PPP1R9A: variants seen among roughly 807,000 people sequenced by gnomAD.
The protein encoded by PPP1R9A is protein phosphatase 1 regulatory subunit 9A.
PPP1R9A carries 59 observed loss-of-function variants against 141.9 expected under a neutral mutation model. The ratio of observed to expected loss-of-function variants is 0.42; its 90% CI spans 0.34 to 0.52. The LOEUF (loss-of-function observed/expected upper bound fraction) is 0.52. Ranked by LOEUF, PPP1R9A falls within the 20% of genes least tolerant of loss-of-function variation. The probability of loss-of-function intolerance (pLI) is 0.10; values close to 1 mark genes in which losing one functional copy is unlikely to be tolerated. For synonymous variants in PPP1R9A, 500 were observed against 569.7 expected, an observed-to-expected ratio of 0.88 and a Z score of 1.74; for missense variants, 1,444 against 1,611.9, an observed-to-expected ratio of 0.90 and a Z score of 1.78.
intron 2 of PPP1R9A, among the ~76,000 whole-genome samples, chr7:94,968,934 G>A (rs1412944205): frequency 6.6e-6 from 1 of 151,594 alleles, no homozygotes; most frequent in East Asian, 1.9e-4. Flanking sequence ...GATCGATTCG[G>A]CTATTGATAC....
intron 2 of PPP1R9A, among the ~76,000 whole-genome samples, chr7:95,012,346 A>G (rs1282421648): frequency 6.6e-6 from 1 of 151,920 alleles, no homozygotes; most frequent in Non-Finnish European, 1.5e-5. Context: ...ACAACCACAT[A>G]CCCTGAGAAC....
intron 2 of PPP1R9A, among the ~76,000 whole-genome samples, chr7:95,106,026 G>A (rs1322967104): frequency 6.6e-6 from 1 of 152,116 alleles, no homozygotes; most frequent in African/African-American, 2.4e-5. Context: ...AGACCAAGGT[G>A]GAAGGATCGT....
chr7:94,987,720 G>A (rs924780412), intron 2 of PPP1R9A, among the ~76,000 whole-genome samples: 1 of 152,070 alleles, frequency 6.6e-6, no homozygotes, highest in Non-Finnish European at 1.5e-5. Flanking sequence ...ACACTATTAT[G>A]TATGAGCCAT....
chr7:94,928,426 A>G (rs1793746272), intron 2 of PPP1R9A, among the ~76,000 whole-genome samples: 1 of 152,146 alleles, frequency 6.6e-6, no homozygotes, highest in South Asian at 2.1e-4. Context: ...AAGGGTGGAG[A>G]AGATCCATTG....
At chr7:94,916,420 A>G (rs997494355) in intron 2 of PPP1R9A, among the ~76,000 whole-genome samples, 7 of 152,194 alleles carry the variant, frequency 4.6e-5, no homozygotes, top group Non-Finnish European at 8.8e-5. Context: ...GGCTTCTGAA[A>G]GTGGCTGGCC....
At chr7:95,275,229 G>A (rs558505406) in intron 16 of PPP1R9A, among the ~76,000 whole-genome samples, 4 of 152,014 alleles carry the variant, frequency 2.6e-5, no homozygotes, top group East Asian at 1.9e-4. Flanking sequence ...CCAACATGGC[G>A]AAACCCCGTC....
intron 12 of PPP1R9A, among the ~76,000 whole-genome samples, chr7:95,253,617 T>G (rs1799184972): frequency 6.6e-6 from 1 of 152,174 alleles, no homozygotes; most frequent in African/African-American, 2.4e-5. Context: ...TTCTCTGGGT[T>G]GATATTACTG....
chr7:95,158,549 A>G (rs1438466908), intron 4 of PPP1R9A, among the ~76,000 whole-genome samples: 1 of 152,192 alleles, frequency 6.6e-6, no homozygotes, highest in African/African-American at 2.4e-5. Context: ...GCAGAAAAGT[A>G]CTTCTTAAAC....
Position 95,198,500 on chromosome 7 carries a change from A to G in PPP1R9A, c.1890+16A>G. ...CGATGACGAGGTCAGTAGTGCTTGC[A>G]AAGATTCTTTTTCCCACATTTTCTA... is the stretch of plus-strand genomic sequence containing the variant. On this transcript the variant is annotated intron_variant, in intron 6 of 19. Transcript: ENST00000433360. The G allele has an allele frequency of 6.5e-7, 1 of 1,527,364 alleles. No homozygotes were observed. Among genetic ancestry groups the G allele is most frequent in the Non-Finnish European group, 8.8e-7 (1 of 1,136,686 alleles). The allele number at this position is 1,527,364 out of a possible 1,614,324, so 94.6% of individuals were successfully genotyped here. A position where few individuals can be genotyped will look rare whatever the true frequency, so the allele number is the denominator to read the frequency against.
chr7:94,910,581 C>A lies in PPP1R9A; in HGVS notation c.468C>A (p.Asn156Lys), dbSNP rs899656150. The change falls in exon 2 of 20, where the codon AAC (asparagine) becomes AAA (lysine). Residue 156 changes from asparagine to lysine, a missense_variant. Physicochemically the swap from Asn to Lys is moderately conservative, Grantham distance 94. Around this residue, in one of 5 missense-constraint regions of PPP1R9A, gnomAD observed 490 missense variants for 521.1 expected, o/e 0.94. Transcript: ENST00000433360. The surrounding 1 kb of genome is among the most constrained non-coding windows in gnomAD (Gnocchi z 4.5). The stretch of plus-strand genomic sequence containing the variant: ...GAAGTGTGCATGAATCAGGACAGAA[C>A]AACCGCTATTCCCCAAAGAAAGAGA... ...FERSVHESGQ[N>K]NRYSPKKEKA... 6.2e-7 allele frequency: 1 copy of A among 1,614,124 alleles called. No individual in the cohort carries two copies. The highest frequency in any genetic ancestry group is 8.5e-7 in the Non-Finnish European group (1 of 1,180,022).
chr7:95,127,869 A>G (rs1163251078), intron 4 of PPP1R9A, among the ~76,000 whole-genome samples: 1 of 152,138 alleles, frequency 6.6e-6, no homozygotes, highest in African/African-American at 2.4e-5. Flanking sequence ...TTATAGGTGT[A>G]TAGTATTCTA....
intron 2 of PPP1R9A, among the ~76,000 whole-genome samples, chr7:94,995,244 C>A (rs921824192): frequency 6.6e-6 from 1 of 151,858 alleles, no homozygotes; most frequent in Non-Finnish European, 1.5e-5. Flanking sequence ...CCTTTTATTG[C>A]TGATTTTGAG....
intron 2 of PPP1R9A, among the ~76,000 whole-genome samples, chr7:95,066,209 T>G (rs147625480): frequency 1.3e-5 from 2 of 152,180 alleles, no homozygotes; most frequent in Non-Finnish European, 2.9e-5. Context: ...GAGGAAACAC[T>G]GTGTGGATAC....
chr7:95,188,356 C>A (rs989327892), intron 5 of PPP1R9A, among the ~76,000 whole-genome samples: 4 of 151,696 alleles, frequency 2.6e-5, no homozygotes, highest in African/African-American at 9.7e-5. Flanking sequence ...ACCCCTTTAC[C>A]TTAAGTTTAT....
chr7:94,941,536 A>C (rs567371933), intron 2 of PPP1R9A, among the ~76,000 whole-genome samples: 1 of 152,260 alleles, frequency 6.6e-6, no homozygotes, highest in South Asian at 2.1e-4. Context: ...CATACTTTAG[A>C]AAGGAGTTTA....
intron 18 of PPP1R9A, among the ~76,000 whole-genome samples, chr7:95,287,380 C>T (rs1805548183): frequency 1.3e-5 from 2 of 152,312 alleles, no homozygotes; most frequent in South Asian, 4.1e-4. Flanking sequence ...ATCACCATTA[C>T]ATTGACATGG....
chr7:94,957,160 ACTTATT>A (rs1197104305), intron 2 of PPP1R9A, among the ~76,000 whole-genome samples: 3 of 152,096 alleles, frequency 2.0e-5, no homozygotes, highest in African/African-American at 7.2e-5. Context: ...TTAATAATAG[ACTTATT>A]CTTAAGGCAC....
chr7:95,016,481 C>G (rs2151672250), intron 2 of PPP1R9A, among the ~76,000 whole-genome samples: 1 of 151,966 alleles, frequency 6.6e-6, no homozygotes, highest in East Asian at 1.9e-4. Context: ...ATTAGTAAAT[C>G]AAATGTAATA....
intron 2 of PPP1R9A, among the ~76,000 whole-genome samples, chr7:94,973,415 G>T (rs565179327): frequency 2.6e-5 from 4 of 152,228 alleles, no homozygotes; most frequent in African/African-American, 9.6e-5. Flanking sequence ...AAGCGAGTTT[G>T]GGACTTAAGC....
Sources: gnomAD v4.1 joint callset for allele counts (sites outside exome capture counted in the v4.1 genomes callset) on GRCh38, gnomAD v4.1.1 for gene constraint, gnomAD v4.1.1 regional missense constraint, Gnocchi (gnomAD v3.1) non-coding constraint, MANE v1.5 for transcripts, NCBI Gene and HGNC (gene_info 2026-07-23, HGNC 2026-07-21) for gene names.